Variants in GRM8 observed in about 807,000 individuals in gnomAD.
GRM8 encodes the protein metabotropic glutamate receptor 8.
GRM8 carries 47 observed loss-of-function variants against 87.2 expected under a neutral mutation model. The ratio of observed to expected loss-of-function variants is 0.54; its 90% CI spans 0.43 to 0.69. The LOEUF (loss-of-function observed/expected upper bound fraction) is 0.69, where lower values mean the gene tolerates loss of function less well. Ranked by LOEUF, GRM8 falls within the 30% of genes least tolerant of loss-of-function variation. The pLI, the probability that GRM8 is intolerant of heterozygous loss-of-function variation, is 0.00. For missense variants in GRM8, 1,019 were observed against 1,139.2 expected, an observed-to-expected ratio of 0.89 and a Z score of 1.52; for synonymous variants, 396 against 404.5, an observed-to-expected ratio of 0.98 and a Z score of 0.25.
intron 7 of GRM8, among the ~76,000 whole-genome samples, chr7:126,642,388 C>T (rs1401654192): frequency 6.6e-6 from 1 of 152,112 alleles, no homozygotes; most frequent in Non-Finnish European, 1.5e-5. Flanking sequence ...CCTGTAATCC[C>T]AGCACTTTGG....
intron 2 of GRM8, among the ~76,000 whole-genome samples, chr7:127,130,029 G>A (rs775989989): frequency 1.1e-4 from 17 of 152,136 alleles, no homozygotes; most frequent in Non-Finnish European, 1.6e-4. Flanking sequence ...TCTCATGATA[G>A]AGAGTTCTCA....
chr7:126,816,647 T>C (rs925433164), intron 6 of GRM8, among the ~76,000 whole-genome samples: 4 of 151,982 alleles, frequency 2.6e-5, no homozygotes, highest in Non-Finnish European at 4.4e-5. Flanking sequence ...ATGATGATGA[T>C]GGTTTCTGGT....
chr7:126,906,505 G>A (rs1802689426), intron 3 of GRM8, among the ~76,000 whole-genome samples: 1 of 152,074 alleles, frequency 6.6e-6, no homozygotes, highest in Admixed American at 6.6e-5. Flanking sequence ...AATTTATTAT[G>A]CATTTCAAAG....
In GRM8 at chr7:126,907,287, G is replaced by GGGAGGAGGAAGAGGGA. The variant is rs1159053077; in HGVS notation, c.728-2620_728-2605dup. ...AGGAGGAGGAGGAGGAAGAAGAAAG[G>GGGAGGAGGAAGAGGGA]GGAGGAGGAAGAGGGAGGAGGAGGA... is the stretch of plus-strand genomic sequence containing the variant. On this transcript the variant is annotated intron_variant, in intron 3 of 10. Coordinates refer to ENST00000339582, the MANE Select transcript of GRM8 (RefSeq NM_000845.3). Among the ~76,000 whole-genome samples, 5 of 123,232 alleles carry GGGAGGAGGAAGAGGGA rather than the reference G, an allele frequency of 4.1e-5. 1 individual carries two copies. Among genetic ancestry groups the GGGAGGAGGAAGAGGGA allele is most frequent in the African/African-American group, 1.3e-4 (4 of 31,822 alleles). 80.8% of individuals were successfully genotyped at this position (123,232 alleles called of 152,430 possible). A position where few individuals can be genotyped will look rare whatever the true frequency, so the allele number is the denominator to read the frequency against.
At chr7:126,680,158 C>A (rs867326351) in intron 7 of GRM8, among the ~76,000 whole-genome samples, 38 of 152,106 alleles carry the variant, frequency 2.5e-4, no homozygotes, top group Admixed American at 1.6e-3. Flanking sequence ...AGTGGCATAT[C>A]TCTGCTATGG....
At chr7:127,073,813 T>A (rs1821974570) in intron 3 of GRM8, among the ~76,000 whole-genome samples, 1 of 152,156 alleles carries the variant, frequency 6.6e-6, no homozygotes, top group Non-Finnish European at 1.5e-5. Context: ...CAGACATTTT[T>A]ATATATATAA....
intron 2 of GRM8, among the ~76,000 whole-genome samples, chr7:127,169,116 A>C (rs1248042929): frequency 3.3e-5 from 5 of 152,072 alleles, no homozygotes; most frequent in Non-Finnish European, 7.4e-5. Flanking sequence ...CTTAATGAGG[A>C]AGGCAAATAA....
chr7:127,094,923 T>C (rs956666597), intron 3 of GRM8, among the ~76,000 whole-genome samples: 13 of 152,216 alleles, frequency 8.5e-5, no homozygotes, highest in African/African-American at 3.1e-4. Flanking sequence ...TTCATTTGTA[T>C]GACACTAAAA....
chr7:126,910,823 G>C (rs905959114), intron 3 of GRM8, among the ~76,000 whole-genome samples: 4 of 152,130 alleles, frequency 2.6e-5, no homozygotes, highest in Non-Finnish European at 4.4e-5. Context: ...GAGATAAAAG[G>C]CTTGTATGTA....
Position 126,689,079 on chromosome 7 carries a change from T to C in GRM8, c.1358-79581A>G, listed in dbSNP as rs973943712. Among the ~76,000 whole-genome samples, 3 of 152,226 alleles carry C rather than the reference T, an allele frequency of 2.0e-5. No individual in the cohort carries two copies. The East Asian group carries it at 5.8e-4, about 30-fold the overall frequency. ...TGTCTGCAGAGTCTCTTCTTCTTGCTCTATAAGAACAGAGACCAATCACAG... is the reference window on the plus strand; with the variant it reads ...TGTCTGCAGAGTCTCTTCTTCTTGCCCTATAAGAACAGAGACCAATCACAG... On this transcript the variant is annotated intron_variant, in intron 7 of 10. Coordinates refer to ENST00000339582, the MANE Select transcript of GRM8 (RefSeq NM_000845.3).
At chr7:126,989,251 G>A (rs143005309) in intron 3 of GRM8, among the ~76,000 whole-genome samples, 64 of 152,050 alleles carry the variant, frequency 4.2e-4, no homozygotes, top group African/African-American at 1.1e-3. Context: ...ATTATTTTCC[G>A]TTAAATTTCC....
At chr7:126,591,261 A>G (rs1371852553) in intron 8 of GRM8, among the ~76,000 whole-genome samples, 2 of 152,162 alleles carry the variant, frequency 1.3e-5, no homozygotes, top group African/African-American at 4.8e-5. Flanking sequence ...TTAAAGCAAC[A>G]GCAGTTAAAA....
chr7:127,072,175 C>G (rs979678475), intron 3 of GRM8, among the ~76,000 whole-genome samples: 1 of 152,162 alleles, frequency 6.6e-6, no homozygotes, highest in Admixed American at 6.5e-5. Context: ...CCAAACATCA[C>G]CCTGTACACC....
chr7:127,088,014 GA>G (rs1823683352), intron 3 of GRM8, among the ~76,000 whole-genome samples: 1 of 152,100 alleles, frequency 6.6e-6, no homozygotes, highest in Admixed American at 6.5e-5. Flanking sequence ...AAATAATTTA[GA>G]AACCATAAAA....
chr7:126,850,929 C>T (rs1346700034), intron 6 of GRM8, among the ~76,000 whole-genome samples: 1 of 152,112 alleles, frequency 6.6e-6, no homozygotes, highest in Non-Finnish European at 1.5e-5. Context: ...CATCTAATCC[C>T]ATGACTTTAA....
chr7:126,906,065 A>T (rs1194638065), intron 3 of GRM8, among the ~76,000 whole-genome samples: 1 of 152,094 alleles, frequency 6.6e-6, no homozygotes, highest in Non-Finnish European at 1.5e-5. Flanking sequence ...GTATTAGGAG[A>T]TGGGACTGTT....
At chr7:126,514,870 T>A (rs879434872) in intron 9 of GRM8, among the ~76,000 whole-genome samples, 5 of 152,042 alleles carry the variant, frequency 3.3e-5, no homozygotes, top group African/African-American at 4.8e-5. Flanking sequence ...TAGTATTACA[T>A]TGAATGTTTG....
At position 126,713,491 on chromosome 7, in the gene GRM8, T is replaced by C. The variant is rs1359846705; in HGVS notation, c.1357+56374A>G. Among the ~76,000 whole-genome samples the C allele has an allele frequency of 4.6e-5, 7 of 151,770 alleles. No homozygotes were observed. In the East Asian group the frequency reaches 7.7e-4, roughly 17 times the overall value. ...GGAGAGCATTAGGACAAACACCTAA[T>C]GCATGCAGGGTTTAAAACCTAGCTG... On this transcript the variant is annotated intron_variant, in intron 7 of 10. Coordinates refer to ENST00000339582, the MANE Select transcript of GRM8 (RefSeq NM_000845.3).
chr7:126,521,289 TG>T (rs1233560066), intron 9 of GRM8, among the ~76,000 whole-genome samples: 3 of 152,126 alleles, frequency 2.0e-5, no homozygotes, highest in Admixed American at 6.6e-5. Context: ...ATACATTTCT[TG>T]GTATTTTTCC....
Sources: allele counts gnomAD v4.1 joint callset (sites outside exome capture counted in the v4.1 genomes callset), GRCh38; gene constraint gnomAD v4.1.1; transcripts MANE v1.5; gene names NCBI Gene and HGNC (gene_info 2026-07-23, HGNC 2026-07-21).